VRTN: variants seen among roughly 807,000 people sequenced by gnomAD.
VRTN encodes the protein vertebrae development associated.
A neutral mutation model predicts 18.2 loss-of-function variants in VRTN; 5 were observed. The observed-to-expected ratio is 0.27, with a 90% confidence interval of 0.14 to 0.58. The LOEUF is 0.58. Ranked by LOEUF, VRTN falls within the 20% of genes least tolerant of loss-of-function variation. VRTN has a pLI of 0.91. For missense variants in VRTN, 741 were observed against 939.4 expected (o/e 0.79, Z 2.76); for synonymous variants, 381 against 393.7 (o/e 0.97, Z 0.38).
chr14:74,315,778 A>G lies in VRTN; in HGVS notation c.-164+12602A>G, dbSNP rs534088669. On this transcript the variant is annotated intron_variant, in intron 1 of 2. Transcript: ENST00000557177. The stretch of plus-strand genomic sequence containing the variant: ...AATGCTTATCATGCTCAATGACTAT[A>G]GAGATTGCATATTGGTAGGGAGATG... 5.0e-4 allele frequency among the ~76,000 whole-genome samples: 76 copies of G among 152,328 alleles called. 2 individuals carry two copies. The highest frequency in any genetic ancestry group is 3.3e-3 in the South Asian group (16 of 4,824).
At chr14:74,341,452 T>C (rs911382392) in intron 2 of VRTN, among the ~76,000 whole-genome samples, 4 of 152,174 alleles carry the variant, frequency 2.6e-5, no homozygotes, top group Non-Finnish European at 4.4e-5. Context: ...ACACAACCCC[T>C]GGAAAGCTGT....
intron 1 of VRTN, among the ~76,000 whole-genome samples, chr14:74,327,535 T>C (rs2085495640): frequency 6.6e-6 from 1 of 152,100 alleles, no homozygotes; most frequent in Admixed American, 6.6e-5. Flanking sequence ...CAAATTCCCG[T>C]AGAGCAGGAC....
rs546841716 is a variant in VRTN at position 74,320,464 on chromosome 14, A to G, written c.-163-17259A>G. Among the ~76,000 whole-genome samples the G allele has an allele frequency of 2.1e-3, 299 of 140,362 alleles. 1 individual carries two copies. The highest frequency in any genetic ancestry group is 3.9e-3 in the South Asian group (17 of 4,332). 92.1% of individuals were successfully genotyped at this position (140,362 alleles called of 152,430 possible). A position where few individuals can be genotyped will look rare whatever the true frequency, so the allele number is the denominator to read the frequency against. On this transcript the variant is annotated intron_variant, in intron 1 of 2. Transcript: ENST00000557177. ...TTTTTAGTAGAGACGGGGTTTTACC[A>G]TGTTAGCCAGGATGGTCTCGATCTC...
Position 74,357,861 on chromosome 14 carries a change from T to C in VRTN, c.1078T>C (p.Cys360Arg), listed in dbSNP as rs1399016686. The C allele has an allele frequency of 3.7e-6, 6 of 1,613,504 alleles. No homozygotes were observed. The highest frequency in any genetic ancestry group is 3.3e-5 in the South Asian group (3 of 91,082). ...WKHELLGSGTCPALPPREVLG... is the reference protein window; with the variant it reads ...WKHELLGSGTRPALPPREVLG... ...GCATGAGCTGCTGGGCTCTGGCACC[T>C]GCCCGGCCTTGCCCCCCAGGGAGGT... is the stretch of plus-strand genomic sequence containing the variant. The change falls in exon 2 of 2, where the codon TGC becomes CGC. Residue 360 changes from cysteine to arginine, a missense_variant. Cys to Arg is a radical substitution (Grantham distance 180). Around this residue, in one of 3 missense-constraint regions of VRTN, gnomAD observed 494 missense variants for 546.5 expected, o/e 0.90. Transcript: ENST00000256362. The surrounding 1 kb of genome is among the most constrained non-coding windows in gnomAD (Gnocchi z 7.8).
Position 74,359,907 on chromosome 14 carries a change from C to G in VRTN, c.*1015C>G. 1 of 167,246 alleles carries G rather than the reference C, an allele frequency of 6.0e-6. No homozygotes were observed. Among genetic ancestry groups the G allele is most frequent in the Non-Finnish European group, 1.5e-5 (1 of 68,150 alleles). The allele number at this position is 167,246 out of a possible 1,614,324, so 10.4% of individuals were successfully genotyped here. On this transcript the variant is annotated 3_prime_UTR_variant, in exon 2 of 2. Transcript: ENST00000256362. Reference sequence around the variant, plus strand: ...CTTCTCGGAGCTGGAGGCCCATCTTCAGTGAGAGATCACAAAGCGGCCAGG... The same window carrying G: ...CTTCTCGGAGCTGGAGGCCCATCTTGAGTGAGAGATCACAAAGCGGCCAGG...
intron 1 of VRTN, among the ~76,000 whole-genome samples, chr14:74,349,095 C>CT (rs1331045420): frequency 6.6e-6 from 1 of 152,206 alleles, no homozygotes; most frequent in Non-Finnish European, 1.5e-5. Context: ...TGCACTCTTC[C>CT]TCCCTTCCAA....
chr14:74,342,895 G>A (rs570277056), intron 2 of VRTN, among the ~76,000 whole-genome samples: 2 of 152,070 alleles, frequency 1.3e-5, no homozygotes, highest in Non-Finnish European at 2.9e-5. Flanking sequence ...AGGATTACAG[G>A]TGTGAGCCAC....
intron 2 of VRTN, among the ~76,000 whole-genome samples, chr14:74,338,183 A>C (rs1368199144): frequency 6.6e-6 from 1 of 152,204 alleles, no homozygotes; most frequent in Admixed American, 6.5e-5. Flanking sequence ...CACTCCTAAC[A>C]AATTTAACAT....
chr14:74,348,965 T>G (rs2140210463), intron 1 of VRTN, among the ~76,000 whole-genome samples: 1 of 148,312 alleles, frequency 6.7e-6, no homozygotes, highest in Admixed American at 6.7e-5. Flanking sequence ...TTCCCCGGGC[T>G]TCTCAGGTTG....
In VRTN at chr14:74,319,552, T is replaced by A. The variant is rs115907929; in HGVS notation, c.-164+16376T>A. 5.3e-3 allele frequency among the ~76,000 whole-genome samples: 809 copies of A among 151,990 alleles called. 7 individuals are homozygous for A. The highest frequency in any genetic ancestry group is 0.019 in the African/African-American group (776 of 41,498). Reference sequence around the variant, plus strand: ...TGAATGATGGTACCATTTACTGGGGTTGGGAGTTATGGGGAAAGAACAGAT... The same window carrying A: ...TGAATGATGGTACCATTTACTGGGGATGGGAGTTATGGGGAAAGAACAGAT... On this transcript the variant is annotated intron_variant, in intron 1 of 2. Transcript: ENST00000557177.
At chr14:74,330,441 C>CT (rs34686412) in intron 1 of VRTN, among the ~76,000 whole-genome samples, 71,419 of 137,958 alleles carry the variant, frequency 0.52, 19,131 homozygotes, top group East Asian at 0.82. Flanking sequence ...CAGTATCAAA[C>CT]TTTTTTTTTT....
At chr14:74,356,292 T>C (rs1019262293) in intron 1 of VRTN, among the ~76,000 whole-genome samples, 3 of 152,180 alleles carry the variant, frequency 2.0e-5, no homozygotes, top group African/African-American at 7.2e-5. Context: ...TAAGTGATTC[T>C]TCTGCCCTAG....
chr14:74,316,103 A>C (rs1484061788), intron 1 of VRTN, among the ~76,000 whole-genome samples: 1 of 152,136 alleles, frequency 6.6e-6, no homozygotes, highest in African/African-American at 2.4e-5. Flanking sequence ...TCCTGCCTTG[A>C]AAGGGAATCT....
At chr14:74,338,662 C>T (rs2085581084) in intron 2 of VRTN, among the ~76,000 whole-genome samples, 1 of 152,196 alleles carries the variant, frequency 6.6e-6, no homozygotes, top group African/African-American at 2.4e-5. Context: ...TCTAGTGATC[C>T]TCCTGCTTCA....
chr14:74,351,275 T>G (rs1220412031), intron 1 of VRTN, among the ~76,000 whole-genome samples: 1 of 152,230 alleles, frequency 6.6e-6, no homozygotes, highest in African/African-American at 2.4e-5. Flanking sequence ...AGGACTGATA[T>G]GGATTATCTC....
At chr14:74,336,373 C>T (rs1051836984) in intron 1 of VRTN, among the ~76,000 whole-genome samples, 1 of 152,070 alleles carries the variant, frequency 6.6e-6, no homozygotes, top group African/African-American at 2.4e-5. Flanking sequence ...CACCATTGCA[C>T]TCCAGCCTAG....
intron 1 of VRTN, among the ~76,000 whole-genome samples, chr14:74,309,783 T>G (rs956853328): frequency 2.0e-5 from 3 of 152,230 alleles, no homozygotes; most frequent in Non-Finnish European, 2.9e-5. Flanking sequence ...CTTCCCTTAT[T>G]TCAGCTCCTA....
upstream of VRTN, among the ~76,000 whole-genome samples, chr14:74,344,196 C>T (rs529381869): frequency 1.8e-3 from 243 of 134,732 alleles, no homozygotes; most frequent in African/African-American, 6.5e-3. Context: ...ATCACTTGAA[C>T]GCAGGAGTTC....
Position 74,358,356 on chromosome 14 carries a change from C to A in VRTN, c.1573C>A (p.Pro525Thr), listed in dbSNP as rs770593024. The change falls in exon 2 of 2, where the codon CCT becomes ACT. Residue 525 changes from proline (P) to threonine (T), a missense_variant. Physicochemically the swap from Pro to Thr is conservative, Grantham distance 38 (BLOSUM62 -1). Around this residue, in one of 3 missense-constraint regions of VRTN, gnomAD observed 494 missense variants for 546.5 expected, o/e 0.90. Transcript: ENST00000256362. This position sits in a 1 kb window ranked among gnomAD's most constrained non-coding sequence, Gnocchi z 5.4. ...CAGGCAGGTGCTGAGTGGGCATCTCCCTTTCTGCCGCTTCCGCCTCCGCTA... is the reference window on the plus strand; with the variant it reads ...CAGGCAGGTGCTGAGTGGGCATCTCACTTTCTGCCGCTTCCGCCTCCGCTA... ...ARRQVLSGHL[P>T]FCRFRLRYPS... The A allele has an allele frequency of 6.2e-7, 1 of 1,613,700 alleles. No homozygotes were observed. Among genetic ancestry groups the A allele is most frequent in the Non-Finnish European group, 8.5e-7 (1 of 1,179,976 alleles).
Sources: allele counts gnomAD v4.1 joint callset (sites outside exome capture counted in the v4.1 genomes callset), GRCh38; gene constraint gnomAD v4.1.1; regional missense constraint gnomAD v4.1.1; non-coding constraint Gnocchi (gnomAD v3.1); transcripts MANE v1.5; gene names NCBI Gene and HGNC (gene_info 2026-07-23, HGNC 2026-07-21).